IFT56: variants seen among roughly 807,000 people sequenced by gnomAD.
IFT56 encodes the protein intraflagellar transport 56.
the IFT56 span, among the ~76,000 whole-genome samples, chr7:139,144,503 C>A: frequency 6.6e-6 from 1 of 151,830 alleles, no homozygotes; most frequent in Non-Finnish European, 1.5e-5. Context: ...TGCTCGAGGT[C>A]TTTTCTTTTT....
the IFT56 span, chr7:139,148,220 T>A: frequency 6.2e-7 from 1 of 1,611,790 alleles, no homozygotes; most frequent in Non-Finnish European, 8.5e-7. Flanking sequence ...TACCTTGCCC[T>A]TAATGTTTAT....
chr7:139,159,114 A>G, the IFT56 span, among the ~76,000 whole-genome samples: 2 of 152,192 alleles, frequency 1.3e-5, no homozygotes, highest in Non-Finnish European at 2.9e-5. Flanking sequence ...TCTTAAAGGA[A>G]AATGAATGAA....
At chr7:139,166,056 C>A in the IFT56 span, among the ~76,000 whole-genome samples, 2 of 152,188 alleles carry the variant, frequency 1.3e-5, no homozygotes, top group Admixed American at 1.3e-4. Context: ...CTCCAAGTTT[C>A]AAGCAATTCT....
At chr7:139,181,807 A>G in the IFT56 span, among the ~76,000 whole-genome samples, 1 of 152,252 alleles carries the variant, frequency 6.6e-6, no homozygotes, top group Non-Finnish European at 1.5e-5. Context: ...ACATATCTAA[A>G]CATAGAAAAG....
chr7:139,150,513 A>AAGC, the IFT56 span, among the ~76,000 whole-genome samples: 1 of 152,332 alleles, frequency 6.6e-6, no homozygotes, highest in East Asian at 1.9e-4. Flanking sequence ...CTCAAAAGGC[A>AAGC]AGCTTTTTCC....
chr7:139,190,802 A>G, the IFT56 span: 3 of 152,190 alleles, frequency 2.0e-5, no homozygotes, highest in Non-Finnish European at 4.4e-5. Context: ...TTGTTTTTAC[A>G]CCATATAGTT....
the IFT56 span, among the ~76,000 whole-genome samples, chr7:139,171,366 A>G: frequency 1.6e-4 from 25 of 152,214 alleles, no homozygotes; most frequent in Admixed American, 3.3e-4. Flanking sequence ...CAGAACCACA[A>G]AAGACCAGAA....
At chr7:139,143,216 G>A in the IFT56 span, among the ~76,000 whole-genome samples, 4,702 of 152,214 alleles carry the variant, frequency 0.031, 114 homozygotes, top group Non-Finnish European at 0.05. Flanking sequence ...ATATTGCTAA[G>A]TTGTTTTACA....
At chr7:139,141,073 A>G in the IFT56 span, among the ~76,000 whole-genome samples, 1 of 151,608 alleles carries the variant, frequency 6.6e-6, no homozygotes, top group African/African-American at 2.4e-5. Context: ...ATCCTGGCTA[A>G]CATGGTGAAA....
At chr7:139,168,550 A>C in the IFT56 span, 1 of 632,880 alleles carries the variant, frequency 1.6e-6, no homozygotes, top group African/African-American at 1.9e-5. Flanking sequence ...TGAGAAAAGA[A>C]TGTTATGTTA....
chr7:139,189,588 T>C, the IFT56 span: 1 of 581,876 alleles, frequency 1.7e-6, no homozygotes, highest in African/African-American at 1.9e-5. Flanking sequence ...TGCTGAGACT[T>C]AGTCTCCTGG....
chr7:139,183,504 G>A, the IFT56 span, among the ~76,000 whole-genome samples: 1 of 152,006 alleles, frequency 6.6e-6, no homozygotes, highest in East Asian at 1.9e-4. Context: ...GAGAATAAGG[G>A]GGGAAATGGC....
chr7:139,157,005 A>G, the IFT56 span, among the ~76,000 whole-genome samples: 4 of 152,230 alleles, frequency 2.6e-5, no homozygotes, highest in Non-Finnish European at 5.9e-5. Context: ...TCCAAACACA[A>G]AAACAAACCT....
the IFT56 span, among the ~76,000 whole-genome samples, chr7:139,167,323 T>C: frequency 6.6e-6 from 1 of 152,198 alleles, no homozygotes; most frequent in African/African-American, 2.4e-5. Flanking sequence ...GTGCATAAAG[T>C]ATATAGTAAA....
the IFT56 span, among the ~76,000 whole-genome samples, chr7:139,176,604 C>T: frequency 1.3e-5 from 2 of 152,166 alleles, no homozygotes; most frequent in Non-Finnish European, 2.9e-5. Flanking sequence ...TGCTAGTTAG[C>T]CAGCATGAAC....
chr7:139,155,564 T>C, the IFT56 span, among the ~76,000 whole-genome samples: 1 of 152,172 alleles, frequency 6.6e-6, no homozygotes, highest in Non-Finnish European at 1.5e-5. Flanking sequence ...TGGGTTTTAT[T>C]CTATTGATAT....
chr7:139,160,024 G>GTATAAAA, the IFT56 span, among the ~76,000 whole-genome samples: 1 of 152,148 alleles, frequency 6.6e-6, no homozygotes, highest in Non-Finnish European at 1.5e-5. Context: ...AGTATAAAAG[G>GTATAAAA]GATCTTGAGA....
chr7:139,168,396 C>T, the IFT56 span: 34 of 1,610,632 alleles, frequency 2.1e-5, no homozygotes, highest in African/African-American at 4.3e-4. Context: ...GAAATGGGTT[C>T]AGTGAGTATG....
chr7:139,173,425 C>T, the IFT56 span: 41 of 535,034 alleles, frequency 7.7e-5, no homozygotes, highest in African/African-American at 4.7e-4. Flanking sequence ...GACGAGGTTT[C>T]GCCATGTTGG....
Sources: allele counts gnomAD v4.1 joint callset (sites outside exome capture counted in the v4.1 genomes callset), GRCh38; gene constraint gnomAD v4.1.1; transcripts MANE v1.5; gene names NCBI Gene and HGNC (gene_info 2026-07-23, HGNC 2026-07-21).